Variants in CLDN14 observed in about 807,000 individuals in gnomAD.
CLDN14 encodes the protein claudin 14.
Under a neutral mutation model 2.1 loss-of-function variants are expected in CLDN14, and 2 were observed. The ratio of observed to expected loss-of-function variants is 0.96; its 90% CI spans 0.39 to 3.01. The LOEUF is 3.01. Among genes scored for constraint, CLDN14 ranks in the 30% most tolerant of loss-of-function variants. The pLI, the probability that CLDN14 is intolerant of heterozygous loss-of-function variation, is 0.09. For synonymous variants in CLDN14, 136 were observed against 154.4 expected, an observed-to-expected ratio of 0.88 and a Z score of 0.88; for missense variants, 298 against 328.0, an observed-to-expected ratio of 0.91 and a Z score of 0.71.
chr21:36,509,185 G>C (rs2087161822), intron 2 of CLDN14, among the ~76,000 whole-genome samples: 1 of 152,252 alleles, frequency 6.6e-6, no homozygotes, highest in South Asian at 2.1e-4. Context: ...TGGTTGAGCA[G>C]GAGGCGGCCC....
intron 1 of CLDN14, among the ~76,000 whole-genome samples, chr21:36,517,136 G>C (rs1022555891): frequency 1.3e-5 from 2 of 152,170 alleles, no homozygotes; most frequent in Non-Finnish European, 2.9e-5. Flanking sequence ...CACCACGCCT[G>C]GCCTGGTCTT....
At chr21:36,550,466 A>G (rs2087555722) in intron 1 of CLDN14, among the ~76,000 whole-genome samples, 1 of 152,172 alleles carries the variant, frequency 6.6e-6, no homozygotes, top group African/African-American at 2.4e-5. Context: ...GGGGCCCTAA[A>G]GTAAGTTGGT....
chr21:36,492,733 G>A (rs138764681), intron 2 of CLDN14, among the ~76,000 whole-genome samples: 653 of 152,330 alleles, frequency 4.3e-3, no homozygotes, highest in African/African-American at 0.015. Flanking sequence ...AGACAGCCAC[G>A]TGACGACAGA....
chr21:36,497,819 C>T (rs575446050), intron 2 of CLDN14, among the ~76,000 whole-genome samples: 260 of 152,192 alleles, frequency 1.7e-3, no homozygotes, highest in Non-Finnish European at 2.9e-3. Flanking sequence ...GGTCCTTGGC[C>T]GGTGGCTTCA....
chr21:36,571,604 A>G (rs2087710680), intron 1 of CLDN14, among the ~76,000 whole-genome samples: 1 of 152,160 alleles, frequency 6.6e-6, no homozygotes, highest in African/African-American at 2.4e-5. Context: ...GTTTCCAGTG[A>G]GATGAAGGGG....
chr21:36,492,563 A>C (rs1285969932), intron 2 of CLDN14, among the ~76,000 whole-genome samples: 1 of 150,868 alleles, frequency 6.6e-6, no homozygotes, highest in Non-Finnish European at 1.5e-5. Context: ...CGGGAGGTGG[A>C]GGTTGCAGTG....
chr21:36,501,798 G>A (rs1449388080), intron 2 of CLDN14, among the ~76,000 whole-genome samples: 6 of 152,146 alleles, frequency 3.9e-5, no homozygotes, highest in Non-Finnish European at 7.3e-5. Context: ...CTCCCAGCCA[G>A]CCCCTGGCCC....
intron 1 of CLDN14, among the ~76,000 whole-genome samples, chr21:36,538,302 A>G (rs9305591): frequency 0.48 from 72,633 of 151,660 alleles, 19,478 homozygotes; most frequent in Middle Eastern, 0.61. Context: ...TAGCAAGAAA[A>G]AGGAAAACAA....
Position 36,544,308 on chromosome 21 carries a change from C to A in CLDN14, c.-220+32103G>T, listed in dbSNP as rs1217641360. On this transcript the variant is annotated intron_variant, in intron 1 of 2. Coordinates refer to the CLDN14 transcript ENST00000342108. The surrounding 1 kb of genome is among the most constrained non-coding windows in gnomAD (Gnocchi z 4.1). Reference sequence around the variant, plus strand: ...TTCTTGGCTGAGGAGTGCCAGGGAACCAAGCCTCTCAGTACAGAAGGAGGG... The same window carrying A: ...TTCTTGGCTGAGGAGTGCCAGGGAAACAAGCCTCTCAGTACAGAAGGAGGG... Among the ~76,000 whole-genome samples, 1 of 152,194 alleles carries A rather than the reference C, an allele frequency of 6.6e-6. No individual in the cohort carries two copies. Among genetic ancestry groups the A allele is most frequent in the South Asian group, 2.1e-4 (1 of 4,830 alleles).
chr21:36,473,773 G>C (rs1601596887), intron 1 of CLDN14, among the ~76,000 whole-genome samples: 1 of 152,200 alleles, frequency 6.6e-6, no homozygotes, highest in East Asian at 1.9e-4. Flanking sequence ...CAACATCAGG[G>C]GAGGGATGAG....
intron 1 of CLDN14, among the ~76,000 whole-genome samples, chr21:36,524,991 G>A (rs1394413658): frequency 1.3e-5 from 2 of 152,186 alleles, no homozygotes; most frequent in East Asian, 1.9e-4. Context: ...GCCCTCAAGA[G>A]CCTTCTCCAT....
At chr21:36,514,138 G>A (rs537233732) in intron 1 of CLDN14, among the ~76,000 whole-genome samples, 2 of 152,280 alleles carry the variant, frequency 1.3e-5, no homozygotes, top group African/African-American at 4.8e-5. Context: ...TTACAGGTAT[G>A]AGCCACTGCA....
intron 2 of CLDN14, chr21:36,486,352 T>A: frequency 1.2e-6 from 1 of 868,080 alleles, no homozygotes; most frequent in African/African-American, 1.6e-5. Context: ...TCAGTCCCAG[T>A]TGTAGCAATC....
chr21:36,471,134 A>G (rs78832953), intron 1 of CLDN14, among the ~76,000 whole-genome samples: 3,642 of 152,214 alleles, frequency 0.024, 56 homozygotes, highest in African/African-American at 0.05. Flanking sequence ...TTGGAAGGCC[A>G]AGGTGGGAGG....
intron 1 of CLDN14, among the ~76,000 whole-genome samples, chr21:36,462,875 G>T (rs141254132): frequency 0.024 from 2,774 of 117,548 alleles, 37 homozygotes; most frequent in Non-Finnish European, 0.043. Context: ...CCGAGATCGC[G>T]CCACTGCACT....
At chr21:36,556,468 G>C (rs558766873) in intron 1 of CLDN14, among the ~76,000 whole-genome samples, 1 of 152,280 alleles carries the variant, frequency 6.6e-6, no homozygotes, top group African/African-American at 2.4e-5. Flanking sequence ...CACAGCTTTT[G>C]AGTCCAACAG....
intron 1 of CLDN14, among the ~76,000 whole-genome samples, chr21:36,519,382 A>G (rs2087251627): frequency 6.6e-6 from 1 of 152,150 alleles, no homozygotes; most frequent in African/African-American, 2.4e-5. Context: ...AGGAGACCAG[A>G]CTGGCCAACA....
At chr21:36,494,951 G>A (rs1422472492) in intron 2 of CLDN14, among the ~76,000 whole-genome samples, 1 of 152,222 alleles carries the variant, frequency 6.6e-6, no homozygotes, top group East Asian at 1.9e-4. Flanking sequence ...CCACACAGGA[G>A]GCCTGGATGT....
chr21:36,477,587 G>A (rs219747), intron 1 of CLDN14: 59,841 of 152,042 alleles, frequency 0.39, 14,231 homozygotes, highest in African/African-American at 0.68. Context: ...GCTGCCTCTG[G>A]GTGGCTCGCC....
Sources: gnomAD v4.1 joint callset for allele counts (sites outside exome capture counted in the v4.1 genomes callset) on GRCh38, gnomAD v4.1.1 for gene constraint, Gnocchi (gnomAD v3.1) non-coding constraint, MANE v1.5 for transcripts, NCBI Gene and HGNC (gene_info 2026-07-23, HGNC 2026-07-21) for gene names.